Variants in SHISA9 observed in about 807,000 individuals in gnomAD.
SHISA9 encodes the protein protein shisa-9.
A neutral mutation model predicts 38.0 loss-of-function variants in SHISA9; 13 were observed. That is an observed-to-expected ratio of 0.34 (90% CI 0.22 to 0.54). The LOEUF (loss-of-function observed/expected upper bound fraction) is 0.54. SHISA9 is among the 20% of genes least tolerant of loss of function. The pLI, the probability that SHISA9 is intolerant of heterozygous loss-of-function variation, is 0.91. For synonymous variants in SHISA9, 275 were observed against 242.0 expected, an observed-to-expected ratio of 1.14 and a Z score of -1.27; for missense variants, 538 against 575.8, an observed-to-expected ratio of 0.93 and a Z score of 0.67.
intron 2 of SHISA9, among the ~76,000 whole-genome samples, chr16:13,163,020 G>T (rs1044120004): frequency 1.3e-5 from 2 of 152,090 alleles, no homozygotes; most frequent in African/African-American, 4.8e-5. Flanking sequence ...GAAAGACAAG[G>T]AATTCTAAGT....
intron 1 of SHISA9, chr16:12,911,315 T>G: frequency 1.0e-6 from 1 of 985,442 alleles, no homozygotes; most frequent in Non-Finnish European, 1.2e-6. Flanking sequence ...TTCTTAGGCA[T>G]TTGTGTGGCT....
At chr16:13,306,875 A>G in the SHISA9 span, among the ~76,000 whole-genome samples, 2 of 152,222 alleles carry the variant, frequency 1.3e-5, no homozygotes, top group Non-Finnish European at 2.9e-5. Flanking sequence ...ACACGTATGT[A>G]TGTGTGTATA....
the SHISA9 span, among the ~76,000 whole-genome samples, chr16:13,476,477 A>G: frequency 1.2e-4 from 18 of 152,174 alleles, no homozygotes; most frequent in Non-Finnish European, 1.9e-4. Context: ...ACAGAGAGTA[A>G]CAGGACCTAG....
At chr16:13,443,188 T>A in the SHISA9 span, among the ~76,000 whole-genome samples, 1 of 152,216 alleles carries the variant, frequency 6.6e-6, no homozygotes, top group Non-Finnish European at 1.5e-5. Flanking sequence ...GTACCAAATA[T>A]AATGAACATC....
At chr16:13,518,148 T>C in the SHISA9 span, among the ~76,000 whole-genome samples, 1 of 152,124 alleles carries the variant, frequency 6.6e-6, no homozygotes, top group Non-Finnish European at 1.5e-5. Flanking sequence ...ACTTAGCTCC[T>C]AGGCCAGGGG....
At chr16:12,999,658 G>C (rs1397497643) in intron 2 of SHISA9, among the ~76,000 whole-genome samples, 1 of 152,212 alleles carries the variant, frequency 6.6e-6, no homozygotes, top group Non-Finnish European at 1.5e-5. Flanking sequence ...GATAGATGTT[G>C]CTGTGTATCC....
chr16:13,440,534 T>C, the SHISA9 span, among the ~76,000 whole-genome samples: 3 of 152,344 alleles, frequency 2.0e-5, no homozygotes, highest in African/African-American at 7.2e-5. Flanking sequence ...CCCCTTTGCA[T>C]GTCTCCTAGT....
chr16:13,436,124 G>A, the SHISA9 span, among the ~76,000 whole-genome samples: 1 of 152,138 alleles, frequency 6.6e-6, no homozygotes, highest in African/African-American at 2.4e-5. Context: ...TACAGACTGG[G>A]TAAAATAAGG....
intron 2 of SHISA9, among the ~76,000 whole-genome samples, chr16:12,978,332 A>T (rs972614507): frequency 6.6e-6 from 1 of 152,230 alleles, no homozygotes; most frequent in African/African-American, 2.4e-5. Flanking sequence ...GCCCTGTTTC[A>T]TCAAATTATG....
In SHISA9 at chr16:12,974,505, T is replaced by C. The variant is rs111955249; in HGVS notation, c.691+57690T>C. On this transcript the variant is annotated intron_variant, in intron 2 of 4. Coordinates refer to ENST00000558583, the MANE Select transcript of SHISA9 (RefSeq NM_001145204.3). ...TTTTTTTTTTTTTTTTTTTTTTTTT[T>C]TCCGGAGTTTCGCTCTGTCGCCCAG... is the stretch of plus-strand genomic sequence containing the variant. Among the ~76,000 whole-genome samples the C allele has an allele frequency of 3.5e-3, 375 of 107,898 alleles. 4 individuals carry two copies. The highest frequency in any genetic ancestry group is 0.012 in the African/African-American group (362 of 30,370). 70.8% of individuals were successfully genotyped at this position (107,898 alleles called of 152,430 possible).
chr16:13,158,076 G>A (rs554229492), intron 2 of SHISA9, among the ~76,000 whole-genome samples: 1 of 152,072 alleles, frequency 6.6e-6, no homozygotes, highest in Non-Finnish European at 1.5e-5. Flanking sequence ...CGGAACCTTG[G>A]GGCCAGACCT....
At chr16:13,373,373 C>T in the SHISA9 span, among the ~76,000 whole-genome samples, 1 of 152,196 alleles carries the variant, frequency 6.6e-6, no homozygotes, top group Non-Finnish European at 1.5e-5. Flanking sequence ...AATCTTGTCT[C>T]TTACCTGTCT....
intron 2 of SHISA9, among the ~76,000 whole-genome samples, chr16:13,043,070 A>G (rs1313529667): frequency 1.3e-5 from 2 of 152,202 alleles, no homozygotes; most frequent in Non-Finnish European, 2.9e-5. Flanking sequence ...GTTGGAGGGT[A>G]GAGGTAGACA....
intron 2 of SHISA9, among the ~76,000 whole-genome samples, chr16:13,061,834 G>A (rs2073379538): frequency 6.6e-6 from 1 of 152,212 alleles, no homozygotes; most frequent in South Asian, 2.1e-4. Context: ...TGAGGAGGCA[G>A]CATGTAAGCC....
At chr16:13,251,960 C>T in the SHISA9 span, among the ~76,000 whole-genome samples, 5 of 152,178 alleles carry the variant, frequency 3.3e-5, no homozygotes, top group Non-Finnish European at 7.3e-5. Context: ...AGTTCAAATC[C>T]CAGCCTTGTG....
At chr16:13,378,503 A>G in the SHISA9 span, among the ~76,000 whole-genome samples, 1 of 152,182 alleles carries the variant, frequency 6.6e-6, no homozygotes, top group Non-Finnish European at 1.5e-5. Flanking sequence ...GTGTCCAGGA[A>G]GATGCCGTGG....
chr16:13,090,735 A>G (rs1335823281), intron 2 of SHISA9, among the ~76,000 whole-genome samples: 2 of 152,172 alleles, frequency 1.3e-5, no homozygotes, highest in African/African-American at 4.8e-5. Context: ...CAGCACACAG[A>G]TGGGTCTTGA....
chr16:13,139,120 C>G (rs2050375200), intron 2 of SHISA9, among the ~76,000 whole-genome samples: 1 of 152,176 alleles, frequency 6.6e-6, no homozygotes, highest in African/African-American at 2.4e-5. Context: ...TGACTGTTTT[C>G]TCATTGCAGG....
At chr16:13,331,570 T>A in the SHISA9 span, 4 of 152,198 alleles carry the variant, frequency 2.6e-5, no homozygotes, top group Non-Finnish European at 5.9e-5. Flanking sequence ...TAATTTTTTT[T>A]AAAGAAGAAT....
Sources: gnomAD v4.1 joint callset for allele counts (sites outside exome capture counted in the v4.1 genomes callset) on GRCh38, gnomAD v4.1.1 for gene constraint, MANE v1.5 for transcripts, NCBI Gene and HGNC (gene_info 2026-07-23, HGNC 2026-07-21) for gene names.